PLXNA4: variants seen among roughly 807,000 people sequenced by gnomAD.
PLXNA4 encodes plexin A4, also known as plexin-A4.
In PLXNA4, 44 loss-of-function variants were observed where a neutral mutation model predicts 191.8. That is an observed-to-expected ratio of 0.23 (90% CI 0.18 to 0.29). The LOEUF is 0.29. PLXNA4 is among the 10% of genes least tolerant of loss of function. PLXNA4 has a pLI of 1.00. For synonymous variants in PLXNA4, 1,082 were observed against 1,009.5 expected, an observed-to-expected ratio of 1.07 and a Z score of -1.36; for missense variants, 1,800 against 2,488.8, an observed-to-expected ratio of 0.72 and a Z score of 5.89.
At chr7:132,152,384 C>A (rs117315266) in intron 25 of PLXNA4, among the ~76,000 whole-genome samples, 1 of 152,194 alleles carries the variant, frequency 6.6e-6, no homozygotes, top group Non-Finnish European at 1.5e-5. Flanking sequence ...ACGGTGTGCA[C>A]GACTGGCTGA....
chr7:132,576,654 T>C (rs536808718), upstream of PLXNA4: 12 of 960,520 alleles, frequency 1.2e-5, no homozygotes, highest in African/African-American at 2.1e-4. The surrounding 1 kb of genome is among the most constrained non-coding windows in gnomAD (Gnocchi z 5.8). Flanking sequence ...CAGCTTCTCT[T>C]GCGGCGTCCA....
At chr7:132,177,590 G>A (rs867284974) in intron 20 of PLXNA4, among the ~76,000 whole-genome samples, 30 of 152,308 alleles carry the variant, frequency 2.0e-4, no homozygotes, top group South Asian at 1.7e-3. Flanking sequence ...AGCTCCCATC[G>A]GCTGCTCCCT....
At position 132,592,882 on chromosome 7, in the gene PLXNA4, C is replaced by T. The variant is rs542083631; in HGVS notation, c.-87+53046G>A. Among the ~76,000 whole-genome samples the T allele has an allele frequency of 6.6e-5, 10 of 150,946 alleles. No homozygotes were observed. The East Asian group carries it at 1.7e-3, about 26-fold the overall frequency. On this transcript the variant is annotated intron_variant, in intron 2 of 4. Coordinates refer to the PLXNA4 transcript ENST00000378539. ...CAAAAAAAATTTAAAAAAAAAAACC[C>T]GAAGACCTTGTTTTGCCACATGCAT...
At chr7:132,606,519 T>G (rs1263204104) in intron 2 of PLXNA4, among the ~76,000 whole-genome samples, 1 of 152,252 alleles carries the variant, frequency 6.6e-6, no homozygotes, top group South Asian at 2.1e-4. Context: ...TATGCAGTTT[T>G]CTGCATTCAC....
chr7:132,590,280 TAGGAA>T (rs1802582948), intron 2 of PLXNA4, among the ~76,000 whole-genome samples: 1 of 152,166 alleles, frequency 6.6e-6, no homozygotes, highest in South Asian at 2.1e-4. Flanking sequence ...CTAAGTCAGT[TAGGAA>T]GGCCTTTGTC....
chr7:132,399,378 C>T (rs1479375874), intron 3 of PLXNA4, among the ~76,000 whole-genome samples: 1 of 152,162 alleles, frequency 6.6e-6, no homozygotes, highest in Non-Finnish European at 1.5e-5. Flanking sequence ...TTATTTTGTG[C>T]CAAGCACTGT....
chr7:132,184,389 G>GC (rs1361937701), intron 16 of PLXNA4, among the ~76,000 whole-genome samples: 2 of 152,218 alleles, frequency 1.3e-5, no homozygotes, highest in Non-Finnish European at 2.9e-5. Context: ...TTCCCACGCT[G>GC]CCCCTGTTAC....
chr7:132,429,744 A>G (rs1384256784), intron 3 of PLXNA4, among the ~76,000 whole-genome samples: 1 of 152,174 alleles, frequency 6.6e-6, no homozygotes, highest in Non-Finnish European at 1.5e-5. Flanking sequence ...TGATTATTCC[A>G]CACCCAGAGT....
At chr7:132,426,668 C>T (rs1337109248) in intron 3 of PLXNA4, among the ~76,000 whole-genome samples, 2 of 152,242 alleles carry the variant, frequency 1.3e-5, no homozygotes, top group Admixed American at 1.3e-4. Flanking sequence ...AAATTACAGA[C>T]AGTTTCAAAA....
chr7:132,225,964 G>A (rs1798309150), intron 8 of PLXNA4, among the ~76,000 whole-genome samples, 197 bp downstream of exon 8: 1 of 150,050 alleles, frequency 6.7e-6, no homozygotes, highest in Non-Finnish European at 1.5e-5. Context: ...GTGGGTACCA[G>A]AGGAGAGGGA....
At chr7:132,324,124 G>C (rs2116653304) in intron 3 of PLXNA4, among the ~76,000 whole-genome samples, 1 of 152,254 alleles carries the variant, frequency 6.6e-6, no homozygotes, top group Non-Finnish European at 1.5e-5. Context: ...CAAGGATGTT[G>C]ACCAGTGAAC....
chr7:132,307,673 G>T (rs558037353), intron 3 of PLXNA4, among the ~76,000 whole-genome samples: 2 of 152,290 alleles, frequency 1.3e-5, no homozygotes, highest in South Asian at 2.1e-4. Context: ...CGCCAGCAGG[G>T]TGGACTGTTT....
intron 2 of PLXNA4, among the ~76,000 whole-genome samples, chr7:132,633,831 C>T (rs1803541102): frequency 6.6e-6 from 1 of 152,136 alleles, no homozygotes; most frequent in Non-Finnish European, 1.5e-5. Flanking sequence ...TTCAGAAATG[C>T]AAACCTGTGA....
At chr7:132,541,287 T>C (rs1385758484) in intron 1 of PLXNA4, among the ~76,000 whole-genome samples, 2 of 152,244 alleles carry the variant, frequency 1.3e-5, no homozygotes, top group East Asian at 3.9e-4. Context: ...GAGTAGCAAC[T>C]GACTGTGCTA....
chr7:132,461,119 C>G (rs1158760192), intron 3 of PLXNA4, among the ~76,000 whole-genome samples: 2 of 152,118 alleles, frequency 1.3e-5, no homozygotes, highest in Non-Finnish European at 2.9e-5. Context: ...AAGCAGGGGT[C>G]AGCAAACTTT....
At chr7:132,438,379 T>C (rs1424219340) in intron 3 of PLXNA4, among the ~76,000 whole-genome samples, 1 of 152,192 alleles carries the variant, frequency 6.6e-6, no homozygotes, top group African/African-American at 2.4e-5. Context: ...TAATTTGGTT[T>C]ATTATTATTT....
intron 3 of PLXNA4, among the ~76,000 whole-genome samples, chr7:132,327,029 G>A: frequency 1.1e-5 from 1 of 92,138 alleles, no homozygotes; most frequent in South Asian, 3.1e-4. Flanking sequence ...AAGAGAGGAA[G>A]GAAGAAAAGA....
At chr7:132,473,664 C>T (rs142819225) in intron 3 of PLXNA4, among the ~76,000 whole-genome samples, 6 of 152,118 alleles carry the variant, frequency 3.9e-5, no homozygotes, top group East Asian at 3.9e-4. Context: ...AATATTGTCA[C>T]GTTAAAAAGG....
intron 3 of PLXNA4, among the ~76,000 whole-genome samples, chr7:132,458,861 A>G (rs1796400613): frequency 1.3e-5 from 2 of 152,178 alleles, no homozygotes; most frequent in African/African-American, 4.8e-5. Context: ...TGCCAAGCCC[A>G]TCCACTCCCA....
Sources: gnomAD v4.1 joint callset for allele counts (sites outside exome capture counted in the v4.1 genomes callset) on GRCh38, gnomAD v4.1.1 for gene constraint, Gnocchi (gnomAD v3.1) non-coding constraint, MANE v1.5 for transcripts, NCBI Gene and HGNC (gene_info 2026-07-23, HGNC 2026-07-21) for gene names.